Variants in OR2AT4 observed in about 807,000 individuals in gnomAD.
The protein encoded by OR2AT4 is olfactory receptor 2AT4.
A neutral mutation model predicts 10.3 loss-of-function variants in OR2AT4; 6 were observed. The observed-to-expected ratio is 0.58, with a 90% confidence interval of 0.32 to 1.15. The LOEUF is 1.15. Ranked by LOEUF, OR2AT4 falls within the 50% of genes most tolerant of loss-of-function variation. The pLI, the probability that OR2AT4 is intolerant of heterozygous loss-of-function variation, is 0.05. For synonymous variants in OR2AT4, 145 were observed against 159.1 expected (o/e 0.91, Z 0.67); for missense variants, 354 against 393.8 (o/e 0.90, Z 0.85).
At chr11:75,085,365 G>A (rs1475491705) in exon 2 of OR2AT4, 2 of 151,950 alleles carry the variant, frequency 1.3e-5, no homozygotes, top group Non-Finnish European at 2.9e-5. Context: ...TAATTTTGTA[G>A]TTAAAAACTT....
exon 2 of OR2AT4, chr11:75,082,223 A>C (rs1024315767): frequency 1.3e-5 from 2 of 152,166 alleles, no homozygotes; most frequent in Non-Finnish European, 2.9e-5. Flanking sequence ...ATAAAGCTGC[A>C]TACCTACAGC....
exon 2 of OR2AT4, chr11:75,089,921 G>T (rs535063660): frequency 9.6e-6 from 5 of 519,392 alleles, no homozygotes; most frequent in Admixed American, 3.5e-5. Flanking sequence ...CGCAAAATTT[G>T]TCAAATATTG....
At chr11:75,093,810 CTTTTT>C (rs556380402) in intron 1 of OR2AT4, among the ~76,000 whole-genome samples, 4 of 61,828 alleles carry the variant, frequency 6.5e-5, no homozygotes, top group Admixed American at 4.8e-4. Context: ...TTTTCTTTTT[CTTTTT>C]TTTTTTTTTT....
chr11:75,091,669 G>A lies in OR2AT4; in HGVS notation c.-651-1305C>T, dbSNP rs567198245. Reference sequence around the variant, plus strand: ...TGTATACTTATTTGATATTTGATACGGTATGACTTAATTGATATTAAGTGA... The same window carrying A: ...TGTATACTTATTTGATATTTGATACAGTATGACTTAATTGATATTAAGTGA... On this transcript the variant is annotated intron_variant, in intron 1 of 1. Coordinates refer to ENST00000641504, the Ensembl canonical transcript of OR2AT4. Among the ~76,000 whole-genome samples, 27 of 152,132 alleles carry A rather than the reference G, an allele frequency of 1.8e-4. No individual in the cohort carries two copies. In the South Asian group the frequency reaches 3.7e-3, roughly 21 times the overall value.
In OR2AT4 at chr11:75,089,354, C is replaced by G. The variant is rs142556687; in HGVS notation, c.360G>C (p.Leu120=). 5.6e-6 allele frequency: 9 copies of G among 1,614,056 alleles called. No homozygotes were observed. In the African/African-American group the frequency reaches 1.2e-4, roughly 22 times the overall value. Residue 120 remains leucine, a synonymous_variant, in exon 2 of 2, where the codon CTG becomes CTC. Transcript: ENST00000641504. The stretch of plus-strand genomic sequence containing the variant: ...CATAGCGGTCATAGGCCATGACCAC[C>G]AGGATGAAGGCTTCTGAACATGTAA...
chr11:75,086,195 G>C (rs1349720265), exon 2 of OR2AT4: 1 of 152,122 alleles, frequency 6.6e-6, no homozygotes, highest in African/African-American at 2.4e-5. Context: ...ACTCAAAATT[G>C]TTCATAGAAT....
intron 1 of OR2AT4, among the ~76,000 whole-genome samples, chr11:75,093,917 G>A (rs1189081251): frequency 6.9e-6 from 1 of 144,866 alleles, no homozygotes; most frequent in Non-Finnish European, 1.5e-5. Flanking sequence ...TGCCCTCCCG[G>A]GTTCAAGTGA....
intron 1 of OR2AT4, chr11:75,096,038 G>A (rs1449083971): frequency 6.6e-6 from 1 of 152,180 alleles, no homozygotes; most frequent in Non-Finnish European, 1.5e-5. Context: ...CACAGTAAGT[G>A]GGTGATAGAA....
exon 2 of OR2AT4, chr11:75,082,151 C>T (rs1949269672): frequency 6.6e-6 from 1 of 152,158 alleles, no homozygotes. Context: ...GTAATCAAAA[C>T]AGCATGATAT....
chr11:75,082,649 A>G (rs1949272031), exon 2 of OR2AT4: 1 of 152,180 alleles, frequency 6.6e-6, no homozygotes, highest in Non-Finnish European at 1.5e-5. Context: ...GCCTTGGGAA[A>G]GAATTTATGA....
intron 1 of OR2AT4, among the ~76,000 whole-genome samples, chr11:75,095,580 C>T (rs980459411): frequency 1.3e-5 from 2 of 152,020 alleles, no homozygotes; most frequent in South Asian, 4.1e-4. Context: ...GAGCTTAGTG[C>T]TCTGGAATGC....
intron 1 of OR2AT4, among the ~76,000 whole-genome samples, chr11:75,091,559 C>T (rs1035204968): frequency 2.0e-5 from 3 of 152,068 alleles, no homozygotes; most frequent in Non-Finnish European, 2.9e-5. Context: ...AAACTGGACA[C>T]AATAGAAGAC....
At chr11:75,082,156 T>C (rs1206810410) in exon 2 of OR2AT4, 1 of 152,092 alleles carries the variant, frequency 6.6e-6, no homozygotes, top group East Asian at 1.9e-4. Context: ...CAAAACAGCA[T>C]GATATTGGCA....
chr11:75,095,718 C>T (rs1949345665), intron 1 of OR2AT4, among the ~76,000 whole-genome samples: 2 of 146,334 alleles, frequency 1.4e-5, no homozygotes, highest in Non-Finnish European at 3.0e-5. Flanking sequence ...TGCTCTATCA[C>T]CCAGGCTGGA....
exon 2 of OR2AT4, chr11:75,086,749 T>C (rs1949292809): frequency 6.6e-6 from 1 of 152,224 alleles, no homozygotes; most frequent in Non-Finnish European, 1.5e-5. Flanking sequence ...AGTATACACT[T>C]GGTGTAGTAC....
chr11:75,088,723 T>C (rs768562632), exon 2 of OR2AT4: 14 of 1,530,668 alleles, frequency 9.1e-6, no homozygotes, highest in Non-Finnish European at 7.0e-6. Flanking sequence ...TTTGGTGTCC[T>C]GGAAGCAGAG....
chr11:75,089,116 G>T (rs1450567708), exon 2 of OR2AT4: 3 of 1,613,566 alleles, frequency 1.9e-6, no homozygotes, highest in African/African-American at 1.3e-5. Flanking sequence ...ATGAGGGTCT[G>T]GGGGGTGGTG....
intron 1 of OR2AT4, among the ~76,000 whole-genome samples, chr11:75,093,212 C>T (rs567336180): frequency 6.6e-6 from 1 of 152,322 alleles, no homozygotes; most frequent in Non-Finnish European, 1.5e-5. Flanking sequence ...GTGTATTCTA[C>T]CCAATAGCAG....
chr11:75,082,257 C>T lies in OR2AT4; in HGVS notation c.*6494G>A, dbSNP rs566126156. ...GCCATATGATCTTCAAAAAAGTCAGCAAAAATAAGTATGGGAAAAGGACTC... is the reference window on the plus strand; with the variant it reads ...GCCATATGATCTTCAAAAAAGTCAGTAAAAATAAGTATGGGAAAAGGACTC... On this transcript the variant is annotated 3_prime_UTR_variant, in exon 2 of 2. Coordinates refer to ENST00000641504, the Ensembl canonical transcript of OR2AT4. 9 of 151,616 alleles carry T rather than the reference C, an allele frequency of 5.9e-5. No individual in the cohort carries two copies. In the South Asian group the frequency reaches 1.0e-3, roughly 18 times the overall value. The allele number at this position is 151,616 out of a possible 1,614,324, so 9.4% of individuals were successfully genotyped here. A position where few individuals can be genotyped will look rare whatever the true frequency, so the allele number is the denominator to read the frequency against.
Sources: allele counts gnomAD v4.1 joint callset (sites outside exome capture counted in the v4.1 genomes callset), GRCh38; gene constraint gnomAD v4.1.1; transcripts MANE v1.5; gene names NCBI Gene and HGNC (gene_info 2026-07-23, HGNC 2026-07-21).